HMGB3: variants seen among roughly 807,000 people sequenced by gnomAD.
The protein encoded by HMGB3 is high mobility group protein B3.
In HMGB3, 1 loss-of-function variant was observed where a neutral mutation model predicts 12.9. That is an observed-to-expected ratio of 0.08 (90% CI 0.03 to 0.37). HMGB3 has a LOEUF of 0.37. HMGB3 is among the 10% of genes least tolerant of loss of function. HMGB3 has a pLI of 0.99. For missense variants in HMGB3, 74 were observed against 153.3 expected (o/e 0.48, Z 2.73); for synonymous variants, 61 against 53.9 (o/e 1.13, Z -0.57).
chrX:150,987,650 T>C, intron 4 of HMGB3, 127 bp from the exon 5 acceptor site: 1 of 539,140 alleles, frequency 1.9e-6, no homozygotes, highest in East Asian at 3.3e-5. Context: ...ACTTCAGATA[T>C]ATATGATAGC....
At chrX:150,985,796 A>T in intron 2 of HMGB3, 47 bp downstream of exon 2, 1 of 1,088,285 alleles carries the variant, frequency 9.2e-7, no homozygotes, top group Non-Finnish European at 1.3e-6. Flanking sequence ...TGGGTTTCTT[A>T]CTTTGGGGTT....
rs1367417246 is a variant in HMGB3 at position 150,989,230 on chromosome X, T to A, written c.*1316T>A. The A allele has an allele frequency of 1.8e-5, 2 of 111,115 alleles. No homozygotes were observed. The highest frequency in any genetic ancestry group is 3.8e-5 in the Non-Finnish European group (2 of 53,006). The allele number at this position is 111,115 out of a possible 1,213,427, so 9.2% of individuals were successfully genotyped here. On this transcript the variant is annotated 3_prime_UTR_variant, in exon 5 of 5. Transcript: ENST00000325307. ...TCACATTATTTGTGGTGCCCAACAT[T>A]TGGGGTCTTGAGCCTGCTGCTGGTC...
At chrX:150,984,775 G>T (rs1351530021) in intron 1 of HMGB3, 3 of 114,300 alleles carry the variant, frequency 2.6e-5, no homozygotes, top group African/African-American at 9.6e-5. Context: ...CTGCCAAGGG[G>T]AGCTCTTTAG....
rs1291228001 is a variant in HMGB3, at chrX:150,988,183, ACT to A, written c.*272_*273del. 22 of 255,408 alleles carry A rather than the reference ACT, an allele frequency of 8.6e-5. No homozygotes were observed. The Admixed American group carries it at 1.2e-3, about 14-fold the overall frequency. The allele number at this position is 255,408 out of a possible 1,213,427, so 21.0% of individuals were successfully genotyped here. A position where few individuals can be genotyped will look rare whatever the true frequency, so the allele number is the denominator to read the frequency against. Reference sequence around the variant, plus strand: ...GAAAAGGCACTCTCGTGTTCTCCTCACTCTGTGCACTTTGCTGTTGGTGTGAC... The same window carrying A: ...GAAAAGGCACTCTCGTGTTCTCCTCACTGTGCACTTTGCTGTTGGTGTGAC... On this transcript the variant is annotated 3_prime_UTR_variant, in exon 5 of 5. Transcript: ENST00000325307.
At chrX:150,982,294 G>A (rs927644190), upstream of HMGB3, among the ~76,000 whole-genome samples, 1 of 111,388 alleles carries the variant, frequency 9.0e-6, no homozygotes, top group Admixed American at 9.6e-5. Context: ...CCAGGCACCG[G>A]CCCCACGAAT....
chrX:150,983,700 G>T, intron 1 of HMGB3: 1 of 387,174 alleles, frequency 2.6e-6, no homozygotes, highest in Non-Finnish European at 3.3e-6. Context: ...GGGAACCCAG[G>T]GCCCCCGAGG....
Position 150,987,897 on chromosome X carries a change from G to A in HMGB3, c.586G>A (p.Glu196Lys). 1 of 1,194,574 alleles carries A rather than the reference G, an allele frequency of 8.4e-7. No individual in the cohort carries two copies. Among genetic ancestry groups the A allele is most frequent in the South Asian group, 1.8e-5 (1 of 56,172 alleles). Residue 196 changes from glutamate (E) to lysine (K), a missense_variant, in exon 5 of 5, where the codon GAG becomes AAG. Around this residue, in one of 2 missense-constraint regions of HMGB3, gnomAD observed 29 missense variants for 29.5 expected, o/e 0.98. Coordinates refer to ENST00000325307, the MANE Select transcript of HMGB3 (RefSeq NM_005342.4). ...GGAGGAGGAAGAAGAGGAGGAGGAG[G>A]AGGAGGAGGATGAATAAAGAAACTG... ...EEEEEEEEEE[E>K]EEDE
rs782790629 is a variant in HMGB3 at position 150,987,983 on chromosome X, T to C, written c.*69T>C. ...AGCGCCGTAATTGACACATCTCTTA[T>C]TTGAGAAGTGTCTGTTGCCCTCATT... On this transcript the variant is annotated 3_prime_UTR_variant, in exon 5 of 5. Coordinates refer to ENST00000325307, the MANE Select transcript of HMGB3 (RefSeq NM_005342.4). 4 of 1,125,136 alleles carry C rather than the reference T, an allele frequency of 3.6e-6. No homozygotes were observed. The highest frequency in any genetic ancestry group is 1.8e-5 in the African/African-American group (1 of 55,063). The allele number at this position is 1,125,136 out of a possible 1,213,427, so 92.7% of individuals were successfully genotyped here.
chrX:150,985,657 G>T lies in HMGB3; in HGVS notation c.58G>T (p.Val20Leu). 8.3e-7 allele frequency: 1 copy of T among 1,205,560 alleles called. No homozygotes were observed. The highest frequency in any genetic ancestry group is 1.1e-6 in the Non-Finnish European group (1 of 891,882). The change falls in exon 2 of 5, where the codon GTG (valine) becomes TTG (leucine). Residue 20 changes from valine to leucine, a missense_variant. Physicochemically the swap from Val to Leu is conservative, Grantham distance 32 (BLOSUM62 1). Around this residue, in one of 2 missense-constraint regions of HMGB3, gnomAD observed 45 missense variants for 123.8 expected, o/e 0.36. Coordinates refer to ENST00000325307, the MANE Select transcript of HMGB3 (RefSeq NM_005342.4). ...CAAGATGTCCGCTTATGCCTTCTTT[G>T]TGCAGACATGCAGAGAAGAACATAA... ...KGKMSAYAFFVQTCREEHKKK... is the reference protein window; with the variant it reads ...KGKMSAYAFFLQTCREEHKKK...
rs782509227 is a variant in HMGB3 at position 150,987,978 on chromosome X, T to C, written c.*64T>C. 8.8e-7 allele frequency: 1 copy of C among 1,131,857 alleles called. No individual in the cohort carries two copies. Among genetic ancestry groups the C allele is most frequent in the Non-Finnish European group, 1.2e-6 (1 of 857,963 alleles). The allele number at this position is 1,131,857 out of a possible 1,213,427, so 93.3% of individuals were successfully genotyped here. ...AGGGGAGCGCCGTAATTGACACATCTCTTATTTGAGAAGTGTCTGTTGCCC... is the reference window on the plus strand; with the variant it reads ...AGGGGAGCGCCGTAATTGACACATCCCTTATTTGAGAAGTGTCTGTTGCCC... On this transcript the variant is annotated 3_prime_UTR_variant, in exon 5 of 5. Coordinates refer to ENST00000325307, the MANE Select transcript of HMGB3 (RefSeq NM_005342.4).
Position 150,987,183 on chromosome X carries a change from C to A in HMGB3, c.346C>A (p.Pro116Thr), listed in dbSNP as rs1557425254. The stretch of plus-strand genomic sequence containing the variant: ...CCGCCCCAAGATCAAATCCACAAAC[C>A]CCGGCATCTCTATTGGAGACGTGGC... Reference protein sequence around the residue: ...EFRPKIKSTNPGISIGDVAKK... With the variant: ...EFRPKIKSTNTGISIGDVAKK... Residue 116 changes from proline to threonine, a missense_variant, in exon 4 of 5, where the codon CCC becomes ACC. By Grantham distance (38) the Pro-to-Thr change is conservative (BLOSUM62 -1). Around this residue, in one of 2 missense-constraint regions of HMGB3, gnomAD observed 45 missense variants for 123.8 expected, o/e 0.36. Transcript: ENST00000325307. 2.5e-6 allele frequency: 3 copies of A among 1,207,397 alleles called. No homozygotes were observed. Among genetic ancestry groups the A allele is most frequent in the East Asian group, 3.0e-5 (1 of 33,778 alleles).
upstream of HMGB3, among the ~76,000 whole-genome samples, chrX:150,980,891 C>A (rs782660274): frequency 3.6e-5 from 4 of 112,628 alleles, no homozygotes; most frequent in Admixed American, 3.7e-4. Context: ...AAGGGCCCAC[C>A]ACCCTGGTTC....
chrX:150,982,211 A>G (rs1342315867), upstream of HMGB3, among the ~76,000 whole-genome samples: 1 of 111,515 alleles, frequency 9.0e-6, no homozygotes, highest in East Asian at 2.8e-4. Flanking sequence ...GGACTGTCCT[A>G]TGCAATGTAG....
chrX:150,983,851 G>A (rs2048016541), intron 1 of HMGB3, among the ~76,000 whole-genome samples: 1 of 106,686 alleles, frequency 9.4e-6, no homozygotes. Context: ...ACGGGCGGCC[G>A]GTGCCCGCCG....
In HMGB3 at chrX:150,983,368, A is replaced by G; in HGVS notation, c.-14A>G. ...TGCCCTGCGCTGCCCAGACTAGCGA[A>G]CAATACAGGTACGTCTCGCACCGCC... On this transcript the variant is annotated 5_prime_UTR_variant, in exon 1 of 5. Coordinates refer to ENST00000325307, the MANE Select transcript of HMGB3 (RefSeq NM_005342.4). 1 of 757,204 alleles carries G rather than the reference A, an allele frequency of 1.3e-6. No individual in the cohort carries two copies. Among genetic ancestry groups the G allele is most frequent in the Non-Finnish European group, 1.6e-6 (1 of 642,482 alleles). The allele number at this position is 757,204 out of a possible 1,213,427, so 62.4% of individuals were successfully genotyped here.
chrX:150,984,000 C>CG (rs1280407178), intron 1 of HMGB3, among the ~76,000 whole-genome samples: 3 of 101,460 alleles, frequency 3.0e-5, no homozygotes, highest in Non-Finnish European at 6.1e-5. Context: ...CCCGGTGGCC[C>CG]GGGGGGGCGC....
upstream of HMGB3, chrX:150,983,228 C>G (rs1236277271): frequency 1.4e-6 from 1 of 705,682 alleles, no homozygotes; most frequent in African/African-American, 2.3e-5. Context: ...TGCATGAGGC[C>G]CGCAGCCAAT....
chrX:150,985,158 T>C (rs1310358354), intron 1 of HMGB3, among the ~76,000 whole-genome samples: 1 of 111,857 alleles, frequency 8.9e-6, no homozygotes. Context: ...AGAGTTGTTG[T>C]TTTTAATTGT....
Position 150,987,953 on chromosome X carries a change from A to G in HMGB3, c.*39A>G. 8.6e-7 allele frequency: 1 copy of G among 1,163,629 alleles called. No individual in the cohort carries two copies. Among genetic ancestry groups the G allele is most frequent in the Non-Finnish European group, 1.1e-6 (1 of 876,628 alleles). On this transcript the variant is annotated 3_prime_UTR_variant, in exon 5 of 5. Transcript: ENST00000325307. ...CTGTCTCCTTGTGAATACTTAGAGT[A>G]GGGGAGCGCCGTAATTGACACATCT...
Sources: gnomAD v4.1 joint callset for allele counts (sites outside exome capture counted in the v4.1 genomes callset) on GRCh38, gnomAD v4.1.1 for gene constraint, gnomAD v4.1.1 regional missense constraint, MANE v1.5 for transcripts, NCBI Gene and HGNC (gene_info 2026-07-23, HGNC 2026-07-21) for gene names.